EP300: variants seen among roughly 807,000 people sequenced by gnomAD.
EP300 encodes histone acetyltransferase p300.
EP300 carries 31 observed loss-of-function variants against 264.0 expected under a neutral mutation model. That is an observed-to-expected ratio of 0.12 (90% CI 0.09 to 0.16). The LOEUF is 0.16. Ranked by LOEUF, EP300 falls within the 10% of genes least tolerant of loss-of-function variation. The pLI, the probability that EP300 is intolerant of heterozygous loss-of-function variation, is 1.00. For missense variants in EP300, 2,766 were observed against 3,052.9 expected, an observed-to-expected ratio of 0.91 and a Z score of 2.21; for synonymous variants, 1,340 against 1,045.4, an observed-to-expected ratio of 1.28 and a Z score of -5.44.
In EP300 at chr22:41,178,865, T is replaced by C. The variant is rs759977358; in HGVS notation, c.7154T>C (p.Leu2385Pro). 2.5e-6 allele frequency: 4 copies of C among 1,614,014 alleles called. No homozygotes were observed. The highest frequency in any genetic ancestry group is 1.1e-5 in the South Asian group (1 of 91,086). ...GCTAGCAATCCAGGCATGGCAAACC[T>C]CCATGGTGCAAGCGCCACGGACCTG... is the stretch of plus-strand genomic sequence containing the variant. ...QLASNPGMAN[L>P]HGASATDLGL... is the part of the protein sequence containing the mutation. Residue 2385 changes from leucine (L) to proline (P), a missense_variant, in exon 31 of 31, where the codon CTC becomes CCC. Physicochemically the swap from Leu to Pro is moderately conservative, Grantham distance 98. Coordinates refer to ENST00000263253, the MANE Select transcript of EP300 (RefSeq NM_001429.4).
chr22:41,137,641 C>T lies in EP300; in HGVS notation c.1623-12C>T, dbSNP rs768007519. On this transcript the variant is annotated splice_polypyrimidine_tract_variant and intron_variant, in intron 7 of 30. Coordinates refer to ENST00000263253, the MANE Select transcript of EP300 (RefSeq NM_001429.4). ...TTCTTCACTAAAACTATTTGGTGAC[C>T]CCTTTTTGAAGCCCAATGATGAGTG... 4.3e-6 allele frequency: 7 copies of T among 1,613,966 alleles called. No individual in the cohort carries two copies. In the African/African-American group the frequency reaches 6.7e-5, roughly 15 times the overall value.
intron 6 of EP300, among the ~76,000 whole-genome samples, chr22:41,134,934 A>G (rs1234145655): frequency 2.1e-5 from 3 of 144,042 alleles, no homozygotes; most frequent in Non-Finnish European, 4.4e-5. Flanking sequence ...TTGAGACAAC[A>G]TCTCACTCTG....
At chr22:41,155,228 T>G in intron 17 of EP300, 115 bp downstream of exon 17, 1 of 312,002 alleles carries the variant, frequency 3.2e-6, no homozygotes. Flanking sequence ...AATTCAGTGA[T>G]TTTTTTTTTT....
At chr22:41,172,465 A>G (rs2145769816) in intron 27 of EP300, 34 bp from the exon 28 acceptor site, 1 of 1,556,538 alleles carries the variant, frequency 6.4e-7, no homozygotes, top group South Asian at 1.1e-5. Flanking sequence ...AAAAGAACAT[A>G]GAAATTCCTA....
chr22:41,160,420 AAAAAAAAAAAC>A, intron 19 of EP300: 1 of 259,358 alleles, frequency 3.9e-6, no homozygotes, highest in Non-Finnish European at 6.9e-6. Context: ...CTTTGATTGC[AAAAAAAAAAAC>A]AAAAAAAAAC....
At position 41,134,142 on chromosome 22, in the gene EP300, G is replaced by A. The variant is rs920227503; in HGVS notation, c.1529-1671G>A. Among the ~76,000 whole-genome samples, 4 of 132,150 alleles carry A rather than the reference G, an allele frequency of 3.0e-5. No individual in the cohort carries two copies. In the Admixed American group the frequency reaches 3.1e-4, roughly 10 times the overall value. The allele number at this position is 132,150 out of a possible 152,430, so 86.7% of individuals were successfully genotyped here. ...CCCTGTTGTTATTGTTTATTACTTG[G>A]TCTGTTGATTTCATTCTTTTCTTTT... On this transcript the variant is annotated intron_variant, in intron 6 of 30. Transcript: ENST00000263253.
At chr22:41,173,260 A>G (rs2059181055) in intron 28 of EP300, among the ~76,000 whole-genome samples, 1 of 152,238 alleles carries the variant, frequency 6.6e-6, no homozygotes, top group Admixed American at 6.5e-5. Flanking sequence ...GAGTGGAAGG[A>G]AATAAAACCA....
rs1166156328 is a variant in EP300 at position 41,141,125 on chromosome 22, A to G, written c.1956A>G (p.Leu652=). Residue 652 remains leucine (L), a synonymous_variant, in exon 10 of 31, where the codon CTA becomes CTG. Transcript: ENST00000263253. Reference sequence around the variant, plus strand: ...TAGAAGAAAAACGAAGGACCAGACTACAGAAGCAGAACATGCTACCAAATG... The same window carrying G: ...TAGAAGAAAAACGAAGGACCAGACTGCAGAAGCAGAACATGCTACCAAATG... ...KELEEKRRTR[L]QKQNMLPNAA... 3.7e-6 allele frequency: 6 copies of G among 1,614,216 alleles called. No individual in the cohort carries two copies. The highest frequency in any genetic ancestry group is 1.6e-4 in the Middle Eastern group (1 of 6,062).
rs2059013557 is a variant in EP300 at position 41,146,832 on chromosome 22, A to T, written c.2131+16A>T. The T allele has an allele frequency of 1.2e-6, 2 of 1,611,412 alleles. No individual in the cohort carries two copies. Among genetic ancestry groups the T allele is most frequent in the Non-Finnish European group, 1.7e-6 (2 of 1,178,222 alleles). On this transcript the variant is annotated intron_variant, in intron 11 of 30. Transcript: ENST00000263253. The stretch of plus-strand genomic sequence containing the variant: ...CCACAATCTGGTAAATAGTGAAAAA[A>T]ATTTTTTTATTTTAAAAGAATCCCC...
chr22:41,142,822 C>A (rs938305122), intron 10 of EP300, among the ~76,000 whole-genome samples: 5 of 151,904 alleles, frequency 3.3e-5, no homozygotes, highest in Admixed American at 2.0e-4. Context: ...GGAGGCGGAG[C>A]TTGCAGTGAG....
In EP300 at chr22:41,135,884, C is replaced by G. The variant is rs890823217; in HGVS notation, c.1600C>G (p.His534Asp). 2 of 1,613,850 alleles carry G rather than the reference C, an allele frequency of 1.2e-6. No individual in the cohort carries two copies. The highest frequency in any genetic ancestry group is 2.7e-5 in the African/African-American group (2 of 74,922). ...GAGTCTTCTTTCTGACTCAATGTTG[C>G]ATTCAGCCATAAATTCTCAAAAGTA... ...TPSLLSDSML[H>D]SAINSQNPMM... Residue 534 changes from histidine to aspartate, a missense_variant, in exon 7 of 31, where the codon CAT becomes GAT. Transcript: ENST00000263253.
intron 7 of EP300, among the ~76,000 whole-genome samples, chr22:41,137,166 C>A (rs1389475040): frequency 6.6e-6 from 1 of 151,846 alleles, no homozygotes; most frequent in African/African-American, 2.4e-5. Context: ...TGAGACCAGC[C>A]TAGCCAACAT....
intron 2 of EP300, among the ~76,000 whole-genome samples, chr22:41,121,963 A>T (rs187464043): frequency 1.1e-3 from 168 of 152,216 alleles, no homozygotes; most frequent in African/African-American, 4.0e-3. Context: ...ATAGGTATGG[A>T]TATTATTGGA....
At chr22:41,132,962 G>C (rs189102087) in intron 6 of EP300, among the ~76,000 whole-genome samples, 2 of 152,160 alleles carry the variant, frequency 1.3e-5, no homozygotes, top group African/African-American at 4.8e-5. Context: ...TTTTTTCTGT[G>C]TCTATCCCTC....
chr22:41,138,653 GA>G (rs1473948817), intron 8 of EP300, among the ~76,000 whole-genome samples: 1 of 152,174 alleles, frequency 6.6e-6, no homozygotes, highest in African/African-American at 2.4e-5. Context: ...GCAAGGTAAT[GA>G]AATGTGCTCA....
In EP300 at chr22:41,095,027, A is replaced by G. The variant is rs77773047; in HGVS notation, c.94+1929A>G. 9.6e-3 allele frequency among the ~76,000 whole-genome samples: 1,455 copies of G among 152,180 alleles called. 27 individuals carry two copies. Among genetic ancestry groups the G allele is most frequent in the African/African-American group, 0.033 (1,381 of 41,496 alleles). On this transcript the variant is annotated intron_variant, in intron 1 of 30. Coordinates refer to ENST00000263253, the MANE Select transcript of EP300 (RefSeq NM_001429.4). ...CATTGAGATTAATTCATTCACTCATAATGCTAAGAGTTTATCTTAGTTACT... is the reference window on the plus strand; with the variant it reads ...CATTGAGATTAATTCATTCACTCATGATGCTAAGAGTTTATCTTAGTTACT...
chr22:41,164,204 A>G (rs539774279), intron 22 of EP300, 74 bp downstream of exon 22: 71 of 1,289,552 alleles, frequency 5.5e-5, no homozygotes, highest in Non-Finnish European at 6.5e-5. Context: ...TATTCTATGC[A>G]ATTGACTGTA....
At chr22:41,162,838 C>A (rs2059115167) in intron 21 of EP300, 59 bp downstream of exon 21, 20 of 1,447,920 alleles carry the variant, frequency 1.4e-5, no homozygotes, top group Non-Finnish European at 1.7e-5. Flanking sequence ...CCCTTTCATT[C>A]TCTTGAAGTT....
intron 21 of EP300, among the ~76,000 whole-genome samples, chr22:41,163,434 CAAAAA>C (rs763502729): frequency 6.7e-5 from 3 of 44,996 alleles, no homozygotes; most frequent in Admixed American, 2.5e-4. Flanking sequence ...GACTCCGTCT[CAAAAA>C]AAAAAAAAAA....
Sources: allele counts gnomAD v4.1 joint callset (sites outside exome capture counted in the v4.1 genomes callset), GRCh38; gene constraint gnomAD v4.1.1; transcripts MANE v1.5; gene names NCBI Gene and HGNC (gene_info 2026-07-23, HGNC 2026-07-21).